The following CDCA2 variants were observed in gnomAD, a reference collection of about 807,000 sequenced individuals.
CDCA2 encodes cell division cycle-associated protein 2.
In CDCA2, 44 loss-of-function variants were observed where a neutral mutation model predicts 67.0. The ratio of observed to expected loss-of-function variants is 0.66; its 90% CI spans 0.52 to 0.84. The LOEUF (loss-of-function observed/expected upper bound fraction) is 0.84, where lower values mean the gene tolerates loss of function less well. Ranked by LOEUF, CDCA2 falls within the 40% of genes least tolerant of loss-of-function variation. CDCA2 has a pLI of 0.00. For synonymous variants in CDCA2, 447 were observed against 418.7 expected, an observed-to-expected ratio of 1.07 and a Z score of -0.82; for missense variants, 1,253 against 1,203.2, an observed-to-expected ratio of 1.04 and a Z score of -0.61.
intron 13 of CDCA2, among the ~76,000 whole-genome samples, chr8:25,494,491 G>A (rs964040193): frequency 9.2e-5 from 14 of 152,164 alleles, no homozygotes; most frequent in African/African-American, 3.4e-4. Context: ...GTAAAAGGAA[G>A]TTTACATATG....
intron 13 of CDCA2, among the ~76,000 whole-genome samples, chr8:25,502,148 G>T (rs1804504414): frequency 6.6e-6 from 1 of 152,130 alleles, no homozygotes; most frequent in African/African-American, 2.4e-5. Flanking sequence ...GCCCACCTCG[G>T]CCTCCCAAAG....
chr8:25,468,054 G>A (rs1314233293), intron 5 of CDCA2, among the ~76,000 whole-genome samples, 163 bp from the exon 6 acceptor site: 1 of 131,302 alleles, frequency 7.6e-6, no homozygotes, highest in East Asian at 2.4e-4. Context: ...GAAGGTGGAG[G>A]TTGCAGTGAG....
intron 13 of CDCA2, among the ~76,000 whole-genome samples, chr8:25,496,265 A>C (rs893128563): frequency 6.6e-6 from 1 of 152,202 alleles, no homozygotes; most frequent in Non-Finnish European, 1.5e-5. Context: ...GAAATAACAC[A>C]TAAGTTTATT....
chr8:25,481,775 T>A (rs1181996784), intron 8 of CDCA2, among the ~76,000 whole-genome samples: 1 of 152,234 alleles, frequency 6.6e-6, no homozygotes, highest in Non-Finnish European at 1.5e-5. Context: ...ATGTGAGTTG[T>A]TTGCTGACTT....
intron 5 of CDCA2, among the ~76,000 whole-genome samples, chr8:25,467,843 G>A (rs1246952848): frequency 1.3e-5 from 2 of 152,114 alleles, no homozygotes; most frequent in Non-Finnish European, 2.9e-5. Flanking sequence ...CAATAGCCGG[G>A]CGTGGTGGCT....
intron 13 of CDCA2, among the ~76,000 whole-genome samples, chr8:25,497,498 AT>A (rs771459270): frequency 0.41 from 34,860 of 84,150 alleles, 4,899 homozygotes; most frequent in East Asian, 0.53. Flanking sequence ...TCTTTAAAAA[AT>A]AAAAAATAAA....
chr8:25,505,876 A>G (rs1285336319), intron 14 of CDCA2, among the ~76,000 whole-genome samples: 3 of 152,292 alleles, frequency 2.0e-5, no homozygotes, highest in East Asian at 1.9e-4. Context: ...CCAGAAATAC[A>G]TGAAAGCCTA....
intron 13 of CDCA2, among the ~76,000 whole-genome samples, chr8:25,502,058 C>T (rs945858433): frequency 1.3e-5 from 2 of 152,110 alleles, no homozygotes; most frequent in Non-Finnish European, 1.5e-5. Flanking sequence ...CCACCACGCC[C>T]AGTTAATTTT....
intron 13 of CDCA2, 140 bp downstream of exon 13, chr8:25,488,829 T>A: frequency 3.4e-6 from 2 of 593,398 alleles, no homozygotes; most frequent in East Asian, 4.8e-5. Context: ...TGGAGTAGAA[T>A]GGGGTGGGGG....
chr8:25,503,356 T>G lies in CDCA2; in HGVS notation c.1672-17T>G, dbSNP rs1804548043. ...CTACATCTTTCTCAATTGCAATGTTTTAATGCATTTTCTCAGGTTTTAAAA... is the reference window on the plus strand; with the variant it reads ...CTACATCTTTCTCAATTGCAATGTTGTAATGCATTTTCTCAGGTTTTAAAA... On this transcript the variant is annotated splice_polypyrimidine_tract_variant and intron_variant, in intron 13 of 14. Transcript: ENST00000330560. The G allele has an allele frequency of 6.3e-7, 1 of 1,593,670 alleles. No homozygotes were observed. The highest frequency in any genetic ancestry group is 1.3e-5 in the African/African-American group (1 of 74,526).
intron 7 of CDCA2, among the ~76,000 whole-genome samples, chr8:25,473,404 A>G (rs910938459): frequency 3.3e-5 from 5 of 152,160 alleles, no homozygotes; most frequent in South Asian, 2.1e-4. Flanking sequence ...TTCTCCATCT[A>G]TTGAGGTGAT....
intron 12 of CDCA2, 120 bp downstream of exon 12, chr8:25,487,454 T>C: frequency 1.4e-6 from 1 of 701,892 alleles, no homozygotes; most frequent in South Asian, 1.8e-5. Flanking sequence ...TAAGAATTAA[T>C]ACTTTGGCCA....
intron 13 of CDCA2, among the ~76,000 whole-genome samples, chr8:25,497,109 C>G (rs1051645389): frequency 6.6e-6 from 1 of 152,028 alleles, no homozygotes; most frequent in African/African-American, 2.4e-5. Context: ...TTTTTTTCCC[C>G]TGGTCTCTGG....
intron 7 of CDCA2, among the ~76,000 whole-genome samples, chr8:25,473,465 A>G (rs1214168017): frequency 6.6e-6 from 1 of 152,112 alleles, no homozygotes; most frequent in Non-Finnish European, 1.5e-5. Context: ...GCGTTTATTA[A>G]AATAGGCAGT....
chr8:25,507,162 T>C lies in CDCA2; in HGVS notation c.2496T>C (p.Arg832=). 6.2e-7 allele frequency: 1 copy of C among 1,614,154 alleles called. No homozygotes were observed. The highest frequency in any genetic ancestry group is 8.5e-7 in the Non-Finnish European group (1 of 1,180,020). ...VSCRDRKDRR[R]SMCYSDGRSL... Reference sequence around the variant, plus strand: ...GCAGAGACAGGAAAGATAGAAGACGTTCCATGTGTTATTCTGATGGTCGAA... The same window carrying C: ...GCAGAGACAGGAAAGATAGAAGACGCTCCATGTGTTATTCTGATGGTCGAA... The change falls in exon 15 of 15, where the codon CGT becomes CGC. Residue 832 remains arginine (R), a synonymous_variant. Transcript: ENST00000330560.
intron 7 of CDCA2, among the ~76,000 whole-genome samples, chr8:25,475,984 T>C (rs1803332526): frequency 6.6e-6 from 1 of 152,194 alleles, no homozygotes; most frequent in East Asian, 1.9e-4. Flanking sequence ...CTTCCCACTG[T>C]AGAAACTGTG....
rs1382403011 is a variant in CDCA2 at position 25,481,519 on chromosome 8, T to C, written c.1032+1395T>C. 3.3e-5 allele frequency among the ~76,000 whole-genome samples: 5 copies of C among 151,934 alleles called. No individual in the cohort carries two copies. In the South Asian group the frequency reaches 6.2e-4, roughly 19 times the overall value. On this transcript the variant is annotated intron_variant, in intron 8 of 14. Transcript: ENST00000330560. ...TCCTGGCTGACACAGTGAAACCCCA[T>C]CTCTACTAAAAATACAAAAAATTAG...
chr8:25,460,502 A>G lies in CDCA2; in HGVS notation c.180A>G (p.Val60=). 6.2e-7 allele frequency: 1 copy of G among 1,614,232 alleles called. No homozygotes were observed. The highest frequency in any genetic ancestry group is 2.2e-5 in the East Asian group (1 of 44,882). ...AATCACCTTTGAACTTTTCCACAGTAACCGTAGAGCAATTGGGAATTACAC... is the reference window on the plus strand; with the variant it reads ...AATCACCTTTGAACTTTTCCACAGTGACCGTAGAGCAATTGGGAATTACAC... ...TFKSPLNFST[V]TVEQLGITPE... is the part of the protein sequence containing the mutation. The change falls in exon 3 of 15, where the codon GTA becomes GTG. Residue 60 remains valine (V), a synonymous_variant. Transcript: ENST00000330560.
At position 25,460,279 on chromosome 8, in the gene CDCA2, G is replaced by A. The variant is rs1563255304; in HGVS notation, c.40G>A (p.Glu14Lys). Residue 14 changes from glutamate to lysine, a missense_variant, in exon 2 of 15, where the codon GAG becomes AAG. Physicochemically the swap from Glu to Lys is moderately conservative, Grantham distance 56 (BLOSUM62 1). Transcript: ENST00000330560. ...AAAAGACAAGCCCCCTGAAACCAAG[G>A]AGTCTGCAATGAATAATGCTGGTAT... ...NSKDKPPETK[E>K]SAMNNAGNAS... 6.2e-7 allele frequency: 1 copy of A among 1,614,116 alleles called. No homozygotes were observed. The highest frequency in any genetic ancestry group is 8.5e-7 in the Non-Finnish European group (1 of 1,180,012).
Sources: gnomAD v4.1 joint callset for allele counts (sites outside exome capture counted in the v4.1 genomes callset) on GRCh38, gnomAD v4.1.1 for gene constraint, MANE v1.5 for transcripts, NCBI Gene and HGNC (gene_info 2026-07-23, HGNC 2026-07-21) for gene names.